The following RYR2 variants were observed in gnomAD, a reference collection of about 807,000 sequenced individuals.
The protein encoded by RYR2 is cardiac muscle ryanodine receptor-calcium release channel.
A neutral mutation model predicts 601.1 loss-of-function variants in RYR2; 227 were observed. That is an observed-to-expected ratio of 0.38 (90% CI 0.34 to 0.42). RYR2 has a LOEUF of 0.42. RYR2 is among the 10% of genes least tolerant of loss of function. The pLI, the probability that RYR2 is intolerant of heterozygous loss-of-function variation, is 1.00. For missense variants in RYR2, 4,646 were observed against 6,156.5 expected (o/e 0.75, Z 8.21); for synonymous variants, 2,223 against 2,175.1 (o/e 1.02, Z -0.61).
chr1:237,644,709 T>C (rs1208291811), intron 48 of RYR2, among the ~76,000 whole-genome samples: 1 of 152,182 alleles, frequency 6.6e-6, no homozygotes, highest in Non-Finnish European at 1.5e-5. Flanking sequence ...ATAAATCATT[T>C]ACATGAAAGA....
At chr1:237,745,221 T>C (rs1691972661) in intron 80 of RYR2, among the ~76,000 whole-genome samples, 1 of 152,166 alleles carries the variant, frequency 6.6e-6, no homozygotes, top group African/African-American at 2.4e-5. Context: ...TCTGATCCGA[T>C]GGATATAATG....
At chr1:237,065,457 T>C (rs1267235391) in intron 1 of RYR2, among the ~76,000 whole-genome samples, 1 of 55,954 alleles carries the variant, frequency 1.8e-5, no homozygotes, top group East Asian at 3.1e-3. Flanking sequence ...TTTTTTTTGG[T>C]ATTTTTTTTA....
At chr1:237,192,953 C>G (rs1478458734) in intron 1 of RYR2, among the ~76,000 whole-genome samples, 1 of 151,908 alleles carries the variant, frequency 6.6e-6, no homozygotes, top group Non-Finnish European at 1.5e-5. Flanking sequence ...AGTATCCTTC[C>G]GAATCCCAAA....
intron 88 of RYR2, 49 bp from the exon 89 acceptor site, chr1:237,781,515 TG>T: frequency 1.1e-6 from 1 of 884,298 alleles, no homozygotes; most frequent in Non-Finnish European, 1.8e-6. Context: ...ATGATGTTCC[TG>T]CTGCATAGTT....
chr1:237,736,166 G>A (rs529506174), intron 79 of RYR2, among the ~76,000 whole-genome samples: 1 of 151,948 alleles, frequency 6.6e-6, no homozygotes, highest in East Asian at 1.9e-4. Context: ...TGGGTTAAAA[G>A]ATAAAAGGAT....
chr1:237,070,062 A>G (rs1664125040), intron 1 of RYR2, among the ~76,000 whole-genome samples: 1 of 122,582 alleles, frequency 8.2e-6, no homozygotes, highest in Non-Finnish European at 1.6e-5. Context: ...ACACAATCTT[A>G]CTGTGTTGCC....
chr1:237,477,599 T>A (rs1287972867), intron 17 of RYR2, among the ~76,000 whole-genome samples: 1 of 152,200 alleles, frequency 6.6e-6, no homozygotes, highest in Admixed American at 6.5e-5. Flanking sequence ...CCATTCTAGT[T>A]ATTAAATATT....
At chr1:237,071,883 G>A (rs1357162330) in intron 1 of RYR2, among the ~76,000 whole-genome samples, 2 of 152,354 alleles carry the variant, frequency 1.3e-5, no homozygotes, top group Admixed American at 6.5e-5. Flanking sequence ...GGGATGAGGC[G>A]GCGGGGGTGC....
In RYR2 at chr1:237,533,617, G is replaced by T. The variant is rs569498912; in HGVS notation, c.2906+3107G>T. On this transcript the variant is annotated intron_variant, in intron 25 of 104. Transcript: ENST00000366574. ...TAGATGAACCTAAAAAATAATAAGG[G>T]TGTAAAAAACATTCTACAAGGGTGA... is the stretch of plus-strand genomic sequence containing the variant. 7.9e-5 allele frequency among the ~76,000 whole-genome samples: 12 copies of T among 152,140 alleles called. No homozygotes were observed. In the East Asian group the frequency reaches 2.1e-3, roughly 27 times the overall value.
In RYR2 at chr1:237,614,563, G is replaced by A. The variant is rs1247154713; in HGVS notation, c.5435G>A (p.Gly1812Glu). 6.2e-7 allele frequency: 1 copy of A among 1,613,880 alleles called. No homozygotes were observed. The highest frequency in any genetic ancestry group is 2.2e-5 in the East Asian group (1 of 44,894). The change falls in exon 37 of 105, where the codon GGG becomes GAG. Residue 1812 changes from glycine (G) to glutamate (E), a missense_variant. Transcript: ENST00000366574. This position sits in a 1 kb window ranked among gnomAD's most constrained non-coding sequence, Gnocchi z 4.3. The part of the protein sequence containing the change: ...GSLHARDPVG[G>E]TTEFLFVPLI... Reference sequence around the variant, plus strand: ...CTTCATGCCCGGGACCCAGTTGGAGGGACTACTGAATTCCTCTTTGTACCT... The same window carrying A: ...CTTCATGCCCGGGACCCAGTTGGAGAGACTACTGAATTCCTCTTTGTACCT...
At chr1:237,392,544 A>G (rs189674714) in intron 10 of RYR2, among the ~76,000 whole-genome samples, 254 of 152,276 alleles carry the variant, frequency 1.7e-3, no homozygotes, top group African/African-American at 6.1e-3. Context: ...CAAGCCTGAC[A>G]TATTTTATGT....
chr1:237,551,290 G>C (rs1414712348), intron 27 of RYR2, among the ~76,000 whole-genome samples: 3 of 152,152 alleles, frequency 2.0e-5, no homozygotes, highest in Admixed American at 2.0e-4. Context: ...AGCAGTTTGG[G>C]AGGCTGAGGC....
At chr1:237,358,361 G>A (rs900060896) in intron 4 of RYR2, among the ~76,000 whole-genome samples, 1 of 152,052 alleles carries the variant, frequency 6.6e-6, no homozygotes, top group South Asian at 2.1e-4. Flanking sequence ...GGTTCCTCAC[G>A]CCCTACTTGG....
intron 1 of RYR2, among the ~76,000 whole-genome samples, chr1:237,071,306 C>A (rs886411452): frequency 3.3e-5 from 5 of 152,054 alleles, no homozygotes; most frequent in Admixed American, 3.3e-4. Context: ...TCACTGCAAC[C>A]TCTGCCTCCT....
intron 29 of RYR2, among the ~76,000 whole-genome samples, chr1:237,588,210 T>G (rs563010334): frequency 6.6e-6 from 1 of 152,266 alleles, no homozygotes; most frequent in African/African-American, 2.4e-5. Flanking sequence ...TTTTTCCTGG[T>G]TGGTGGCACT....
intron 16 of RYR2, 23 bp from the exon 17 acceptor site, chr1:237,469,069 G>A: frequency 6.3e-7 from 1 of 1,598,202 alleles, no homozygotes; most frequent in Non-Finnish European, 8.6e-7. Flanking sequence ...ACATAAAGGT[G>A]AAATCTATTT....
chr1:237,639,276 C>T lies in RYR2; in HGVS notation c.7115+75C>T. The T allele has an allele frequency of 2.3e-6, 3 of 1,318,002 alleles. No homozygotes were observed. In the South Asian group the frequency reaches 5.0e-5, roughly 22 times the overall value. 81.6% of individuals were successfully genotyped at this position (1,318,002 alleles called of 1,614,324 possible). A position where few individuals can be genotyped will look rare whatever the true frequency, so the allele number is the denominator to read the frequency against. On this transcript the variant is annotated intron_variant, in intron 46 of 104. Transcript: ENST00000366574. ...AAATTTTATAAAATATATTCTGCAT[C>T]CTATGAATTGTAATATAACTTGTGG...
chr1:237,160,226 T>G (rs1181235870), intron 1 of RYR2, among the ~76,000 whole-genome samples: 2 of 152,220 alleles, frequency 1.3e-5, no homozygotes, highest in African/African-American at 4.8e-5. Flanking sequence ...TTATTTGTAT[T>G]TCGTTAGGAT....
chr1:237,688,412 A>G (rs1028466245), intron 63 of RYR2, among the ~76,000 whole-genome samples: 1 of 151,998 alleles, frequency 6.6e-6, no homozygotes, highest in Non-Finnish European at 1.5e-5. Flanking sequence ...ATATATATAT[A>G]CATATATATA....
Sources: gnomAD v4.1 joint callset for allele counts (sites outside exome capture counted in the v4.1 genomes callset) on GRCh38, gnomAD v4.1.1 for gene constraint, Gnocchi (gnomAD v3.1) non-coding constraint, MANE v1.5 for transcripts, NCBI Gene and HGNC (gene_info 2026-07-23, HGNC 2026-07-21) for gene names.